The following CSMD2 variants were observed in gnomAD, a reference collection of about 807,000 sequenced individuals.
CSMD2 encodes the protein CUB and sushi domain-containing protein 2.
CSMD2 carries 130 observed loss-of-function variants against 398.5 expected under a neutral mutation model. The observed-to-expected ratio is 0.33, with a 90% CI of 0.28 to 0.38. The LOEUF is 0.38. Among genes scored for constraint, CSMD2 ranks in the 10% least tolerant of loss-of-function variants. The pLI is 1.00. For missense variants in CSMD2, 3,829 were observed against 4,764.9 expected (o/e 0.80, Z 5.78); for synonymous variants, 1,828 against 1,908.5 (o/e 0.96, Z 1.10).
intron 2 of CSMD2, among the ~76,000 whole-genome samples, chr1:34,084,823 G>A (rs1419953637): frequency 1.9e-4 from 29 of 151,908 alleles, no homozygotes; most frequent in African/African-American, 5.6e-4. Flanking sequence ...TCAGTGTGGC[G>A]ATTCCTCAGG....
chr1:33,758,968 C>T (rs902520060), intron 13 of CSMD2, among the ~76,000 whole-genome samples: 5 of 152,186 alleles, frequency 3.3e-5, no homozygotes, highest in African/African-American at 7.2e-5. Context: ...TGACTTACAA[C>T]CCTCTTGAGA....
Position 33,962,782 on chromosome 1 carries a change from G to A in CSMD2, c.518-26828C>T, listed in dbSNP as rs114308036. ...GTGTGTCCGCAAATGTCTGCTGCTC[G>A]GTGAGATCCTCTTTAAAATTGCATC... On this transcript the variant is annotated intron_variant, in intron 3 of 70. Coordinates refer to ENST00000373381, the MANE Select transcript of CSMD2 (RefSeq NM_001281956.2). Among the ~76,000 whole-genome samples, 1,388 of 152,194 alleles carry A rather than the reference G, an allele frequency of 9.1e-3. 22 individuals are homozygous for A. The highest frequency in any genetic ancestry group is 0.031 in the African/African-American group (1,278 of 41,500).
intron 12 of CSMD2, among the ~76,000 whole-genome samples, chr1:33,772,984 ACT>A (rs1436289530): frequency 6.6e-6 from 1 of 152,084 alleles, no homozygotes; most frequent in Non-Finnish European, 1.5e-5. Context: ...AGTGCCTGAG[ACT>A]CTGTGTCCAC....
chr1:33,550,924 C>T (rs1449660147), intron 55 of CSMD2, among the ~76,000 whole-genome samples: 2 of 152,204 alleles, frequency 1.3e-5, no homozygotes, highest in Admixed American at 6.5e-5. Flanking sequence ...AAGGGTAATG[C>T]TTTCAACATT....
At chr1:33,611,395 G>C (rs1640993853) in intron 40 of CSMD2, 145 bp from the exon 41 acceptor site, 1 of 679,468 alleles carries the variant, frequency 1.5e-6, no homozygotes, top group African/African-American at 1.8e-5. Flanking sequence ...CTGGCTTTGG[G>C]AATTGCCCGT....
chr1:33,543,012 GC>G lies in CSMD2; in HGVS notation c.9101-117del, dbSNP rs548434732. 3.6e-4 allele frequency: 261 copies of G among 718,910 alleles called. No homozygotes were observed. In the East Asian group the frequency reaches 6.1e-3, roughly 17 times the overall value. The allele number at this position is 718,910 out of a possible 1,614,324, so 44.5% of individuals were successfully genotyped here. The stretch of plus-strand genomic sequence containing the variant: ...ACCTCGGGACCTCGTGGATAGAAAT[GC>G]CTCTCATGCTGCTTTTGTATCGAAT... On this transcript the variant is annotated intron_variant, in intron 57 of 70. Coordinates refer to ENST00000373381, the MANE Select transcript of CSMD2 (RefSeq NM_001281956.2).
chr1:33,725,543 A>G lies in CSMD2; in HGVS notation c.2508-7T>C. The G allele has an allele frequency of 6.2e-7, 1 of 1,613,538 alleles. No individual in the cohort carries two copies. Among genetic ancestry groups the G allele is most frequent in the South Asian group, 1.1e-5 (1 of 91,070 alleles). On this transcript the variant is annotated splice_polypyrimidine_tract_variant and splice_region_variant and intron_variant, in intron 16 of 70. Transcript: ENST00000373381. Reference sequence around the variant, plus strand: ...GTTGACCTCGGTTTTGAATCTGCCAAATGACAGAAATGAAGCCTTCTTGAG... The same window carrying G: ...GTTGACCTCGGTTTTGAATCTGCCAGATGACAGAAATGAAGCCTTCTTGAG...
At chr1:33,920,997 G>A (rs114137994) in intron 4 of CSMD2, among the ~76,000 whole-genome samples, 1 of 152,208 alleles carries the variant, frequency 6.6e-6, no homozygotes, top group African/African-American at 2.4e-5. Flanking sequence ...GTTGGGGAGT[G>A]TGGCATGTTT....
intron 25 of CSMD2, among the ~76,000 whole-genome samples, chr1:33,673,437 G>C (rs1029557929): frequency 2.6e-5 from 4 of 152,212 alleles, no homozygotes; most frequent in African/African-American, 9.7e-5. Context: ...AATGAACAAA[G>C]CTTCCAAGAA....
At chr1:33,854,462 C>T (rs1638930671) in intron 5 of CSMD2, among the ~76,000 whole-genome samples, 1 of 152,172 alleles carries the variant, frequency 6.6e-6, no homozygotes, top group African/African-American at 2.4e-5. Context: ...GAGGGAGGGC[C>T]TCCAGTGCCA....
Position 33,887,961 on chromosome 1 carries a change from A to G in CSMD2, c.920+30133T>C, listed in dbSNP as rs186679159. Among the ~76,000 whole-genome samples, 4 of 152,290 alleles carry G rather than the reference A, an allele frequency of 2.6e-5. No homozygotes were observed. The East Asian group carries it at 7.7e-4, about 29-fold the overall frequency. On this transcript the variant is annotated intron_variant, in intron 5 of 70. Transcript: ENST00000373381. ...ACAGAAATCAATAGCTTTCTTATTT[A>G]CCAGCAATAAGCAACTAGAAAAAAA... is the stretch of plus-strand genomic sequence containing the variant.
At chr1:33,764,349 G>A (rs1478847069) in intron 13 of CSMD2, among the ~76,000 whole-genome samples, 1 of 152,068 alleles carries the variant, frequency 6.6e-6, no homozygotes, top group East Asian at 1.9e-4. Flanking sequence ...CTCCAGTACA[G>A]TAGCAGATAC....
At chr1:33,587,349 T>C (rs1488162986) in intron 44 of CSMD2, among the ~76,000 whole-genome samples, 181 bp from the exon 45 acceptor site, 1 of 152,194 alleles carries the variant, frequency 6.6e-6, no homozygotes, top group Non-Finnish European at 1.5e-5. Context: ...CTGTCATCCT[T>C]ATTGAAATTA....
chr1:33,668,326 C>T (rs1271300438), intron 25 of CSMD2, among the ~76,000 whole-genome samples: 2 of 152,068 alleles, frequency 1.3e-5, no homozygotes, highest in Admixed American at 6.5e-5. Flanking sequence ...TTACATTTTG[C>T]GATCACTCTT....
At chr1:33,726,742 CAG>C in intron 15 of CSMD2, 57 bp from the exon 16 acceptor site, 1 of 1,524,310 alleles carries the variant, frequency 6.6e-7, no homozygotes, top group East Asian at 2.3e-5. Flanking sequence ...AGTAAACAAA[CAG>C]AAAATCTCTC....
At chr1:33,708,590 A>G (rs917547522) in intron 22 of CSMD2, among the ~76,000 whole-genome samples, 5 of 26,550 alleles carry the variant, frequency 1.9e-4, no homozygotes, top group African/African-American at 9.7e-4. Context: ...CTCCAACCGA[A>G]CTTATTATTA....
At chr1:33,787,661 C>G (rs1338189860) in intron 12 of CSMD2, among the ~76,000 whole-genome samples, 1 of 152,288 alleles carries the variant, frequency 6.6e-6, no homozygotes, top group African/African-American at 2.4e-5. Flanking sequence ...TGTCTGTCCC[C>G]CTTGTGCTGG....
intron 25 of CSMD2, among the ~76,000 whole-genome samples, chr1:33,673,995 G>A (rs935295711): frequency 1.9e-4 from 29 of 152,268 alleles, no homozygotes; most frequent in Admixed American, 1.6e-3. Flanking sequence ...GGTAACAGCC[G>A]CTGCAAAACA....
chr1:33,768,750 G>A (rs1569834373), intron 13 of CSMD2, among the ~76,000 whole-genome samples: 3 of 151,916 alleles, frequency 2.0e-5, no homozygotes, highest in African/African-American at 7.3e-5. Context: ...GTATCTTCTG[G>A]GACATTTTCC....
Sources: gnomAD v4.1 joint callset for allele counts (sites outside exome capture counted in the v4.1 genomes callset) on GRCh38, gnomAD v4.1.1 for gene constraint, MANE v1.5 for transcripts, NCBI Gene and HGNC (gene_info 2026-07-23, HGNC 2026-07-21) for gene names.